The following SEC14L1 variants were observed in gnomAD, a reference collection of about 807,000 sequenced individuals.
The protein encoded by SEC14L1 is SEC14 like lipid binding 1.
Under a neutral mutation model 85.3 loss-of-function variants are expected in SEC14L1, and 48 were observed. The ratio of observed to expected loss-of-function variants is 0.56; its 90% CI spans 0.45 to 0.72. The LOEUF is 0.72. SEC14L1 is among the 30% of genes least tolerant of loss of function. The probability of loss-of-function intolerance (pLI) is 0.00; values close to 1 mark genes in which losing one functional copy is unlikely to be tolerated. For missense variants in SEC14L1, 682 were observed against 921.4 expected, an observed-to-expected ratio of 0.74 and a Z score of 3.36; for synonymous variants, 391 against 355.5, an observed-to-expected ratio of 1.10 and a Z score of -1.12.
intron 3 of SEC14L1, chr17:77,098,972 G>T (rs1971707382): frequency 6.6e-6 from 1 of 152,088 alleles, no homozygotes; most frequent in Non-Finnish European, 1.5e-5. Flanking sequence ...GGTTACATGT[G>T]ATTAATGTAT....
rs115851577 is a variant in SEC14L1, at chr17:77,188,899, G to A, written c.64-1904G>A. 9.2e-3 allele frequency among the ~76,000 whole-genome samples: 1,397 copies of A among 151,722 alleles called. 25 individuals are homozygous for A. Among genetic ancestry groups the A allele is most frequent in the African/African-American group, 0.03 (1,259 of 41,354 alleles). ...CCCTTTTCTCTAATGAACATCTCTC[G>A]TGTGCTTATTTGCCATCTGTGTGTC... On this transcript the variant is annotated intron_variant, in intron 3 of 16. Coordinates refer to ENST00000436233, the MANE Select transcript of SEC14L1 (RefSeq NM_001143998.2).
chr17:77,210,287 G>A (rs1053735128), intron 14 of SEC14L1: 9 of 152,284 alleles, frequency 5.9e-5, no homozygotes, highest in East Asian at 1.9e-4. Flanking sequence ...AGGGCGTTCC[G>A]TGTTCCTGTG....
At chr17:77,169,123 G>A (rs865964523) in intron 3 of SEC14L1, among the ~76,000 whole-genome samples, 54 of 148,016 alleles carry the variant, frequency 3.6e-4, no homozygotes, top group Non-Finnish European at 7.4e-5. Context: ...CAGTTTCTCA[G>A]CAGAGTGCCT....
At chr17:77,111,381 A>G (rs535257011) in intron 3 of SEC14L1, among the ~76,000 whole-genome samples, 12 of 150,276 alleles carry the variant, frequency 8.0e-5, no homozygotes, top group Non-Finnish European at 1.5e-5. Context: ...GTGGAGACCA[A>G]AGTTCTTTTG....
intron 3 of SEC14L1, among the ~76,000 whole-genome samples, chr17:77,187,290 T>C (rs954053419): frequency 3.3e-5 from 5 of 152,126 alleles, no homozygotes; most frequent in African/African-American, 1.2e-4. Flanking sequence ...CCTTCCTTTA[T>C]AATGGGGCCG....
intron 3 of SEC14L1, among the ~76,000 whole-genome samples, chr17:77,131,978 G>A (rs1006642329): frequency 6.6e-6 from 1 of 152,144 alleles, no homozygotes; most frequent in Non-Finnish European, 1.5e-5. Context: ...CAGCTTCTTG[G>A]CCCGAAGTTT....
chr17:77,098,366 G>A (rs1477658264), intron 3 of SEC14L1, among the ~76,000 whole-genome samples: 2 of 151,998 alleles, frequency 1.3e-5, no homozygotes. Flanking sequence ...AGGCGTGGTG[G>A]TGCATACCTG....
At chr17:77,200,972 T>A (rs1976108808) in intron 9 of SEC14L1, among the ~76,000 whole-genome samples, 1 of 152,246 alleles carries the variant, frequency 6.6e-6, no homozygotes, top group Non-Finnish European at 1.5e-5. Context: ...TTTTGACCTA[T>A]TAAAAAGACA....
intron 3 of SEC14L1, among the ~76,000 whole-genome samples, chr17:77,160,086 T>C (rs1299227762): frequency 6.6e-6 from 1 of 152,230 alleles, no homozygotes; most frequent in African/African-American, 2.4e-5. Context: ...AAACAGTGAG[T>C]GATCAGTATT....
chr17:77,208,870 T>A (rs1445757015), intron 13 of SEC14L1, among the ~76,000 whole-genome samples: 1 of 152,236 alleles, frequency 6.6e-6, no homozygotes, highest in East Asian at 1.9e-4. Context: ...CTTCATTAGT[T>A]TTTGGCTGGT....
chr17:77,143,880 T>C (rs1482299754), intron 3 of SEC14L1: 4 of 404,158 alleles, frequency 9.9e-6, no homozygotes, highest in Non-Finnish European at 1.8e-5. Context: ...CTCAGGGTAA[T>C]GTATGAATTG....
chr17:77,109,112 G>A (rs2678767), intron 3 of SEC14L1, among the ~76,000 whole-genome samples: 15,238 of 152,126 alleles, frequency 0.1, 1,042 homozygotes, highest in East Asian at 0.26. Context: ...GTGAGCCACC[G>A]CACCCAGCCT....
In SEC14L1 at chr17:77,211,809, G is replaced by C. The variant is rs1976764444; in HGVS notation, c.1612-141G>C. On this transcript the variant is annotated intron_variant, in intron 14 of 16. Transcript: ENST00000436233. ...ATGGTGGTGTGTGACTCTGGGGAAA[G>C]AGATCCGTCCATACGCATTCAGCGT... is the stretch of plus-strand genomic sequence containing the variant. The C allele has an allele frequency of 8.6e-6, 9 of 1,044,312 alleles. No individual in the cohort carries two copies. The Admixed American group carries it at 1.8e-4, about 20-fold the overall frequency. The allele number at this position is 1,044,312 out of a possible 1,614,324, so 64.7% of individuals were successfully genotyped here.
intron 14 of SEC14L1, chr17:77,210,814 GT>G (rs938361836): frequency 4.6e-5 from 7 of 152,214 alleles, no homozygotes; most frequent in African/African-American, 1.4e-4. Flanking sequence ...GGTGCAGTGT[GT>G]TTCGTGTGAA....
chr17:77,200,728 G>C (rs1330756024), intron 9 of SEC14L1, 55 bp downstream of exon 9: 2 of 1,543,416 alleles, frequency 1.3e-6, no homozygotes, highest in African/African-American at 2.7e-5. Context: ...TGTGGTTGAA[G>C]ATATCTTCCA....
Position 77,213,337 on chromosome 17 carries a change from G to C in SEC14L1, c.1887G>C (p.Pro629=). The change falls in exon 16 of 17, where the codon CCG becomes CCC. Residue 629 remains proline, a synonymous_variant. Transcript: ENST00000436233. This position sits in a 1 kb window ranked among gnomAD's most constrained non-coding sequence, Gnocchi z 7.1. ...SVQGSHVTRW[P]GFYILQWKFH... Reference sequence around the variant, plus strand: ...AGGGTTCCCATGTGACCAGGTGGCCGGGCTTCTACATCCTGCAGTGGAAAT... The same window carrying C: ...AGGGTTCCCATGTGACCAGGTGGCCCGGCTTCTACATCCTGCAGTGGAAAT... The C allele has an allele frequency of 6.2e-7, 1 of 1,611,954 alleles. No individual in the cohort carries two copies. The highest frequency in any genetic ancestry group is 8.5e-7 in the Non-Finnish European group (1 of 1,179,156).
intron 3 of SEC14L1, among the ~76,000 whole-genome samples, chr17:77,182,099 T>C (rs1975065226): frequency 6.6e-6 from 1 of 152,194 alleles, no homozygotes; most frequent in African/African-American, 2.4e-5. Flanking sequence ...CTGTAGAATA[T>C]CCCAGTGGTT....
chr17:77,167,612 A>G (rs1331506564), intron 3 of SEC14L1, among the ~76,000 whole-genome samples: 1 of 152,164 alleles, frequency 6.6e-6, no homozygotes, highest in East Asian at 1.9e-4. Context: ...CCACCTTACA[A>G]ATTTCCCTAT....
At chr17:77,090,407 C>G (rs1971485210) in intron 2 of SEC14L1, among the ~76,000 whole-genome samples, 1 of 150,944 alleles carries the variant, frequency 6.6e-6, no homozygotes, top group African/African-American at 2.4e-5. Flanking sequence ...GTAATCTGAG[C>G]ACTTTGGGGT....
Sources: allele counts gnomAD v4.1 joint callset (sites outside exome capture counted in the v4.1 genomes callset), GRCh38; gene constraint gnomAD v4.1.1; non-coding constraint Gnocchi (gnomAD v3.1); transcripts MANE v1.5; gene names NCBI Gene and HGNC (gene_info 2026-07-23, HGNC 2026-07-21).